MORN5: variants seen among roughly 807,000 people sequenced by gnomAD.
MORN5 encodes the protein MORN repeat-containing protein 5.
A neutral mutation model predicts 22.1 loss-of-function variants in MORN5; 21 were observed. The observed-to-expected ratio is 0.95, with a 90% confidence interval of 0.67 to 1.37. The LOEUF (loss-of-function observed/expected upper bound fraction) is 1.37. Ranked by LOEUF, MORN5 falls within the 40% of genes most tolerant of loss-of-function variation. The pLI, the probability that MORN5 is intolerant of heterozygous loss-of-function variation, is 0.00. For synonymous variants in MORN5, 73 were observed against 74.0 expected, an observed-to-expected ratio of 0.99 and a Z score of 0.07; for missense variants, 211 against 215.1, an observed-to-expected ratio of 0.98 and a Z score of 0.12.
intron 1 of MORN5, among the ~76,000 whole-genome samples, 176 bp from the exon 2 acceptor site, chr9:122,166,592 C>T (rs1206778444): frequency 6.6e-6 from 1 of 152,126 alleles, no homozygotes; most frequent in Non-Finnish European, 1.5e-5. Context: ...CTATTCCCCT[C>T]TTTTCGTTTT....
At chr9:122,177,034 T>A (rs1439065675) in intron 4 of MORN5, among the ~76,000 whole-genome samples, 1 of 152,106 alleles carries the variant, frequency 6.6e-6, no homozygotes, top group Admixed American at 6.5e-5. Context: ...GAGATTAGGT[T>A]GTGAGAACCT....
At chr9:122,189,875 G>A (rs933387760) in intron 4 of MORN5, among the ~76,000 whole-genome samples, 3 of 152,118 alleles carry the variant, frequency 2.0e-5, no homozygotes, top group Admixed American at 6.5e-5. Context: ...CAAAGTGCTA[G>A]GATTACAGGC....
chr9:122,160,451 C>T (rs1284699045), intron 1 of MORN5, among the ~76,000 whole-genome samples: 1 of 152,114 alleles, frequency 6.6e-6, no homozygotes, highest in Non-Finnish European at 1.5e-5. Flanking sequence ...GAGGAGTTCA[C>T]GATCTAGGGA....
intron 4 of MORN5, among the ~76,000 whole-genome samples, chr9:122,177,075 T>G (rs1239835245): frequency 6.6e-6 from 1 of 152,218 alleles, no homozygotes; most frequent in Admixed American, 6.5e-5. Flanking sequence ...CCCCAGGACC[T>G]GCAACCCAGA....
At chr9:122,175,403 A>T in intron 4 of MORN5, 2 of 932,572 alleles carry the variant, frequency 2.1e-6, no homozygotes, top group Non-Finnish European at 2.6e-6. Context: ...CACAAGGCTG[A>T]TCAGACTGAG....
Position 122,170,298 on chromosome 9 carries a change from G to GAA in MORN5, c.307+558_307+559dup, listed in dbSNP as rs34931205. Among the ~76,000 whole-genome samples the GAA allele has an allele frequency of 7.0e-3, 911 of 130,358 alleles. 4 individuals are homozygous for GAA. Among genetic ancestry groups the GAA allele is most frequent in the South Asian group, 0.018 (71 of 3,964 alleles). 85.5% of individuals were successfully genotyped at this position (130,358 alleles called of 152,430 possible). A position where few individuals can be genotyped will look rare whatever the true frequency, so the allele number is the denominator to read the frequency against. On this transcript the variant is annotated intron_variant, in intron 3 of 4. Coordinates refer to ENST00000373764, the MANE Select transcript of MORN5 (RefSeq NM_198469.4). ...GCGACAGAGCGACACTCTGGTCTCA[G>GAA]AAAAAAAAAAAAAAAAATCAAAATG...
chr9:122,194,540 G>A (rs930237343), intron 4 of MORN5, among the ~76,000 whole-genome samples: 6 of 152,136 alleles, frequency 3.9e-5, no homozygotes, highest in African/African-American at 1.4e-4. Flanking sequence ...TGCCGAGAAG[G>A]GGGTGCATAG....
intron 1 of MORN5, 63 bp from the exon 2 acceptor site, chr9:122,166,705 G>A: frequency 1.3e-6 from 2 of 1,489,122 alleles, no homozygotes; most frequent in Non-Finnish European, 1.8e-6. Flanking sequence ...TCACTCTGTT[G>A]CCTGCCAGCT....
intron 1 of MORN5, among the ~76,000 whole-genome samples, chr9:122,162,285 G>A (rs781147964): frequency 1.3e-5 from 2 of 152,136 alleles, no homozygotes; most frequent in African/African-American, 2.4e-5. Context: ...ATTTAGGGAG[G>A]GGATATTTTC....
chr9:122,163,620 G>C (rs113912711), intron 1 of MORN5, among the ~76,000 whole-genome samples: 141 of 152,298 alleles, frequency 9.3e-4, no homozygotes, highest in African/African-American at 3.2e-3. Context: ...GTATGGAGTA[G>C]AGCTGGCAGT....
rs1455231952 is a variant in MORN5 at position 122,169,716 on chromosome 9, G to A, written c.267G>A (p.Arg89=). Residue 89 remains arginine, a synonymous_variant, in exon 3 of 5, where the codon CGG becomes CGA. Transcript: ENST00000373764. The part of the protein sequence containing the change: ...KNWHYCDGYD[R]RFYTEILNGL... ...GGCATTACTGCGACGGCTATGATCG[G>A]AGGTTTTACACAGAGATCCTCAATG... is the stretch of plus-strand genomic sequence containing the variant. 1.2e-6 allele frequency: 2 copies of A among 1,614,142 alleles called. No homozygotes were observed. Among genetic ancestry groups the A allele is most frequent in the Non-Finnish European group, 8.5e-7 (1 of 1,180,010 alleles).
At chr9:122,194,814 G>C (rs1264152666) in intron 4 of MORN5, among the ~76,000 whole-genome samples, 2 of 152,170 alleles carry the variant, frequency 1.3e-5, no homozygotes, top group African/African-American at 2.4e-5. Flanking sequence ...GAGGTCAGGA[G>C]TTTGAAACCA....
chr9:122,199,760 C>A, intron 4 of MORN5, 125 bp from the exon 5 acceptor site: 1 of 857,432 alleles, frequency 1.2e-6, no homozygotes, highest in Admixed American at 1.8e-5. Context: ...CCTCCCCACA[C>A]AAAACTACAC....
rs1829337125 is a variant in MORN5 at position 122,169,587 on chromosome 9, C to T, written c.196-58C>T. On this transcript the variant is annotated intron_variant, in intron 2 of 4. Coordinates refer to ENST00000373764, the MANE Select transcript of MORN5 (RefSeq NM_198469.4). ...CCCCCACTTCCCTTGACATCTGAAC[C>T]TCTTGGCCAAAAGCCTTCAGCTTCC... is the stretch of plus-strand genomic sequence containing the variant. 2.1e-5 allele frequency: 25 copies of T among 1,204,334 alleles called. No homozygotes were observed. The South Asian group carries it at 2.5e-4, about 12-fold the overall frequency. 74.6% of individuals were successfully genotyped at this position (1,204,334 alleles called of 1,614,324 possible).
Position 122,198,198 on chromosome 9 carries a change from C to T in MORN5, c.440-1687C>T, listed in dbSNP as rs112921449. ...GACACAGTGTCTGCAAAGCACCAAGCACACATAGGCTGTCTGTGAGCCTCC... is the reference window on the plus strand; with the variant it reads ...GACACAGTGTCTGCAAAGCACCAAGTACACATAGGCTGTCTGTGAGCCTCC... On this transcript the variant is annotated intron_variant, in intron 4 of 4. Transcript: ENST00000373764. Among the ~76,000 whole-genome samples the T allele has an allele frequency of 3.3e-5, 5 of 152,326 alleles. 1 individual carries two copies. Among genetic ancestry groups the T allele is most frequent in the African/African-American group, 1.2e-4 (5 of 41,576 alleles).
intron 4 of MORN5, among the ~76,000 whole-genome samples, chr9:122,185,286 G>A (rs34604576): frequency 3.5e-3 from 470 of 133,540 alleles, no homozygotes; most frequent in Middle Eastern, 8.5e-3. Flanking sequence ...GCAGTGGTGC[G>A]ATCTCGGCTC....
At chr9:122,172,292 C>G (rs1203184845) in intron 3 of MORN5, among the ~76,000 whole-genome samples, 1 of 151,340 alleles carries the variant, frequency 6.6e-6, no homozygotes, top group Admixed American at 6.6e-5. Context: ...AATCTGATTG[C>G]CTCCCTCCCG....
At chr9:122,177,815 C>A (rs1360270385) in intron 4 of MORN5, among the ~76,000 whole-genome samples, 1 of 152,216 alleles carries the variant, frequency 6.6e-6, no homozygotes, top group Non-Finnish European at 1.5e-5. Flanking sequence ...GTCTTCTGTA[C>A]AACATTAACA....
intron 4 of MORN5, among the ~76,000 whole-genome samples, chr9:122,193,685 C>G (rs1829824689): frequency 6.6e-6 from 1 of 152,238 alleles, no homozygotes; most frequent in South Asian, 2.1e-4. Context: ...TACACTAATA[C>G]TACAAAATGG....
Sources: allele counts gnomAD v4.1 joint callset (sites outside exome capture counted in the v4.1 genomes callset), GRCh38; gene constraint gnomAD v4.1.1; transcripts MANE v1.5; gene names NCBI Gene and HGNC (gene_info 2026-07-23, HGNC 2026-07-21).